The following RARB variants were observed in gnomAD, a reference collection of about 807,000 sequenced individuals.
The protein encoded by RARB is retinoic acid receptor beta.
In RARB, 17 loss-of-function variants were observed where a neutral mutation model predicts 51.9. That is an observed-to-expected ratio of 0.33 (90% CI 0.22 to 0.49). RARB has a LOEUF of 0.49. RARB is among the 20% of genes least tolerant of loss of function. The pLI, the probability that RARB is intolerant of heterozygous loss-of-function variation, is 0.99. For missense variants in RARB, 369 were observed against 550.8 expected, an observed-to-expected ratio of 0.67 and a Z score of 3.30; for synonymous variants, 215 against 195.4, an observed-to-expected ratio of 1.10 and a Z score of -0.84.
chr3:25,148,278 G>C (rs772166847), intron 4 of RARB, among the ~76,000 whole-genome samples: 7 of 152,150 alleles, frequency 4.6e-5, no homozygotes, highest in Non-Finnish European at 8.8e-5. Context: ...TCACTGGCTA[G>C]AGACAGAATT....
At chr3:25,139,624 C>G (rs1387694460) in intron 4 of RARB, among the ~76,000 whole-genome samples, 1 of 152,126 alleles carries the variant, frequency 6.6e-6, no homozygotes, top group Non-Finnish European at 1.5e-5. Context: ...GGTGAAGCAG[C>G]AAGTGCTGAT....
rs183861977 is a variant in RARB, at chr3:24,961,875, G to A, written c.-379-98250G>A. On this transcript the variant is annotated intron_variant, in intron 2 of 11. Coordinates refer to the RARB transcript ENST00000383772. ...TTTTGGTTTTCTTATAAGTGCGTAC[G>A]TGAGAAAAATAGCCATACAAACCTT... Among the ~76,000 whole-genome samples, 219 of 150,056 alleles carry A rather than the reference G, an allele frequency of 1.5e-3. 1 individual carries two copies. Among genetic ancestry groups the A allele is most frequent in the Non-Finnish European group, 2.1e-3 (144 of 67,656 alleles).
At chr3:25,456,680 T>TAGAGAGAG (rs1457174762) in intron 1 of RARB, among the ~76,000 whole-genome samples, 42 of 99,976 alleles carry the variant, frequency 4.2e-4, no homozygotes, top group Non-Finnish European at 6.5e-4. Flanking sequence ...TATATATATA[T>TAGAGAGAG]ATAGAGAGAG....
chr3:25,253,758 TAA>T, intron 5 of RARB, among the ~76,000 whole-genome samples: 1 of 152,332 alleles, frequency 6.6e-6, no homozygotes, highest in South Asian at 2.1e-4. Context: ...CAGTTGTCAA[TAA>T]GGCTATAAAG....
chr3:24,883,593 A>T (rs1703213792), intron 2 of RARB, among the ~76,000 whole-genome samples: 2 of 152,150 alleles, frequency 1.3e-5, no homozygotes, highest in South Asian at 4.1e-4. Flanking sequence ...GGTTAAGTTA[A>T]TTCACTTTTT....
chr3:25,274,344 G>GGGTA (rs2125412870), intron 5 of RARB, among the ~76,000 whole-genome samples: 1 of 152,174 alleles, frequency 6.6e-6, no homozygotes, highest in African/African-American at 2.4e-5. Context: ...CGCAACTAAT[G>GGGTA]GCCATAGGCT....
At chr3:25,064,667 G>A (rs1698624676) in intron 3 of RARB, among the ~76,000 whole-genome samples, 1 of 152,074 alleles carries the variant, frequency 6.6e-6, no homozygotes, top group Non-Finnish European at 1.5e-5. Context: ...AAGGAAGTGT[G>A]GTTTTTCCAA....
chr3:24,995,570 C>A (rs1697003643), intron 2 of RARB, among the ~76,000 whole-genome samples: 1 of 152,026 alleles, frequency 6.6e-6, no homozygotes, highest in Admixed American at 6.6e-5. Flanking sequence ...AATCTTTCAG[C>A]TTTTCCCCAT....
At chr3:24,916,533 T>G (rs764554174) in intron 2 of RARB, among the ~76,000 whole-genome samples, 99 of 152,178 alleles carry the variant, frequency 6.5e-4, no homozygotes, top group Non-Finnish European at 9.8e-4. Context: ...ACTCTTCTTT[T>G]ACCCTCTCTG....
At chr3:25,097,885 T>C (rs1299577883) in intron 3 of RARB, among the ~76,000 whole-genome samples, 3 of 152,294 alleles carry the variant, frequency 2.0e-5, no homozygotes, top group East Asian at 1.9e-4. Flanking sequence ...ATTCTGAGCA[T>C]GTACTGCATG....
chr3:25,317,504 A>T (rs950016531), intron 5 of RARB, among the ~76,000 whole-genome samples: 5 of 152,182 alleles, frequency 3.3e-5, no homozygotes, highest in Non-Finnish European at 5.9e-5. Context: ...TTTCATGGTC[A>T]AATCTCAAAG....
chr3:24,941,105 G>T (rs1202800034), intron 2 of RARB, among the ~76,000 whole-genome samples: 1 of 152,064 alleles, frequency 6.6e-6, no homozygotes, highest in Admixed American at 6.6e-5. Context: ...AATTTAGAAT[G>T]GGGATGAGGT....
At chr3:25,063,074 G>C (rs995736806) in intron 3 of RARB, among the ~76,000 whole-genome samples, 1 of 151,864 alleles carries the variant, frequency 6.6e-6, no homozygotes, top group Admixed American at 6.6e-5. Flanking sequence ...ATGCTTCTTA[G>C]AGACAAGGAA....
chr3:25,276,291 G>A lies in RARB; in HGVS notation c.178+101716G>A, dbSNP rs528048207. On this transcript the variant is annotated intron_variant, in intron 5 of 11. Coordinates refer to the RARB transcript ENST00000383772. Reference sequence around the variant, plus strand: ...CATTTCATCATATTTTTGGCCATTTGTGTGTTTTCTTTTGAGAAATGTCTG... The same window carrying A: ...CATTTCATCATATTTTTGGCCATTTATGTGTTTTCTTTTGAGAAATGTCTG... 2.0e-5 allele frequency among the ~76,000 whole-genome samples: 3 copies of A among 152,176 alleles called. No individual in the cohort carries two copies. In the East Asian group the frequency reaches 5.8e-4, roughly 29 times the overall value.
intron 2 of RARB, among the ~76,000 whole-genome samples, chr3:25,473,614 C>T (rs1695808704): frequency 2.6e-5 from 4 of 152,150 alleles, no homozygotes; most frequent in Non-Finnish European, 5.9e-5. Context: ...TAAAGCTTGT[C>T]ACCAAACTTG....
chr3:25,117,784 G>A (rs1296191276), intron 3 of RARB, among the ~76,000 whole-genome samples: 1 of 152,008 alleles, frequency 6.6e-6, no homozygotes, highest in East Asian at 1.9e-4. Context: ...GTCACCAGGG[G>A]AAAAATACAC....
intron 2 of RARB, among the ~76,000 whole-genome samples, chr3:24,916,042 C>A (rs1174522681): frequency 1.3e-5 from 2 of 152,074 alleles, no homozygotes; most frequent in African/African-American, 4.8e-5. Flanking sequence ...CGGAAATTGA[C>A]TGACTCAAGT....
intron 4 of RARB, among the ~76,000 whole-genome samples, chr3:25,156,398 A>T (rs1261899961): frequency 6.6e-6 from 1 of 152,018 alleles, no homozygotes; most frequent in East Asian, 1.9e-4. Context: ...GTTTGAGTGG[A>T]TGCAGTAAAA....
At chr3:24,961,032 T>C (rs1194372096) in intron 2 of RARB, among the ~76,000 whole-genome samples, 1 of 152,234 alleles carries the variant, frequency 6.6e-6, no homozygotes, top group Non-Finnish European at 1.5e-5. Flanking sequence ...TTGTCAAATT[T>C]CTTTAATGCA....
Sources: gnomAD v4.1 joint callset for allele counts (sites outside exome capture counted in the v4.1 genomes callset) on GRCh38, gnomAD v4.1.1 for gene constraint, MANE v1.5 for transcripts, NCBI Gene and HGNC (gene_info 2026-07-23, HGNC 2026-07-21) for gene names.